The following PRTFDC1 variants were observed in gnomAD, a reference collection of about 807,000 sequenced individuals.
PRTFDC1 encodes phosphoribosyl transferase domain containing 1.
In PRTFDC1, 38 loss-of-function variants were observed where a neutral mutation model predicts 34.6. The ratio of observed to expected loss-of-function variants is 1.10; its 90% CI spans 0.85 to 1.44. The LOEUF is 1.44. PRTFDC1 is among the 40% of genes most tolerant of loss of function. PRTFDC1 has a pLI of 0.00. For synonymous variants in PRTFDC1, 93 were observed against 98.1 expected, an observed-to-expected ratio of 0.95 and a Z score of 0.31; for missense variants, 270 against 283.0, an observed-to-expected ratio of 0.95 and a Z score of 0.33.
chr10:24,951,423 G>T (rs1346134166), intron 1 of PRTFDC1: 3 of 453,636 alleles, frequency 6.6e-6, no homozygotes, highest in African/African-American at 4.3e-5. Context: ...TAAACGTGTG[G>T]AATGAATAAA....
chr10:24,859,420 T>C (rs999062413), intron 4 of PRTFDC1, among the ~76,000 whole-genome samples: 7 of 152,170 alleles, frequency 4.6e-5, no homozygotes, highest in Admixed American at 6.6e-5. Context: ...CCACCACGCC[T>C]GGCTAATTTT....
chr10:24,886,766 C>T (rs1267825372), intron 3 of PRTFDC1, among the ~76,000 whole-genome samples: 2 of 152,068 alleles, frequency 1.3e-5, no homozygotes, highest in Non-Finnish European at 2.9e-5. Context: ...TGCGTGCCAC[C>T]ATGCCCAGCT....
chr10:24,903,946 C>A (rs913933843), intron 3 of PRTFDC1, among the ~76,000 whole-genome samples: 17 of 151,890 alleles, frequency 1.1e-4, no homozygotes, highest in African/African-American at 4.1e-4. Context: ...GCCTCAGCCT[C>A]GCAAAGGGCT....
intron 1 of PRTFDC1, among the ~76,000 whole-genome samples, chr10:24,945,516 A>C (rs1361946274): frequency 6.6e-6 from 1 of 152,200 alleles, no homozygotes; most frequent in South Asian, 2.1e-4. Flanking sequence ...GTGGAGTACC[A>C]CAATCATAGC....
chr10:24,874,011 G>C (rs1327763832), intron 3 of PRTFDC1, among the ~76,000 whole-genome samples: 3 of 150,770 alleles, frequency 2.0e-5, no homozygotes, highest in Admixed American at 6.6e-5. Context: ...GGGCTCAAGC[G>C]ATCCTCCTGC....
rs11014288 is a variant in PRTFDC1 at position 24,898,783 on chromosome 10, G to A, written c.340-26720C>T. Among the ~76,000 whole-genome samples, 162 of 152,294 alleles carry A rather than the reference G, an allele frequency of 1.1e-3. 5 individuals are homozygous for A. In the East Asian group the frequency reaches 0.022, roughly 21 times the overall value. On this transcript the variant is annotated intron_variant, in intron 3 of 8. Transcript: ENST00000320152. ...ACGTGTACCACAAGGATCAGCCTAG[G>A]TGTATGAGAAATTGCTAAGAACTGA...
intron 3 of PRTFDC1, among the ~76,000 whole-genome samples, chr10:24,928,896 C>G (rs1254715862): frequency 2.0e-5 from 3 of 151,344 alleles, no homozygotes; most frequent in African/African-American, 7.3e-5. Context: ...AAAAATTAGC[C>G]GGGCGTGGTG....
intron 1 of PRTFDC1, among the ~76,000 whole-genome samples, chr10:24,946,693 T>C (rs1388358111): frequency 6.6e-6 from 1 of 152,252 alleles, no homozygotes; most frequent in Non-Finnish European, 1.5e-5. Flanking sequence ...GTAAGACTCA[T>C]ATCAGTTTCT....
intron 7 of PRTFDC1, among the ~76,000 whole-genome samples, chr10:24,852,428 C>T (rs1357060358): frequency 6.6e-6 from 1 of 152,188 alleles, no homozygotes; most frequent in African/African-American, 2.4e-5. Flanking sequence ...GCTGGGATTA[C>T]AGGCATGGGC....
At chr10:24,896,422 G>A (rs1848365637) in intron 3 of PRTFDC1, among the ~76,000 whole-genome samples, 1 of 152,128 alleles carries the variant, frequency 6.6e-6, no homozygotes, top group South Asian at 2.1e-4. Flanking sequence ...CTGGTCCCCG[G>A]TGACAAAAAG....
At chr10:24,850,709 C>T (rs1847470975) in intron 8 of PRTFDC1, among the ~76,000 whole-genome samples, 1 of 152,044 alleles carries the variant, frequency 6.6e-6, no homozygotes, top group South Asian at 2.1e-4. Flanking sequence ...ATGAGCTGGG[C>T]AATGAAGCAA....
chr10:24,872,721 A>G (rs1163817006), intron 3 of PRTFDC1, among the ~76,000 whole-genome samples: 2 of 47,042 alleles, frequency 4.3e-5, no homozygotes, highest in Non-Finnish European at 9.3e-5. Context: ...TATATAATAC[A>G]CAAAATATAT....
intron 3 of PRTFDC1, among the ~76,000 whole-genome samples, chr10:24,929,624 A>C (rs919294247): frequency 9.9e-5 from 15 of 152,250 alleles, no homozygotes; most frequent in Non-Finnish European, 1.6e-4. Flanking sequence ...TAGCTAACCA[A>C]ATTGGTGGGA....
At chr10:24,883,705 T>C (rs148841698) in intron 3 of PRTFDC1, among the ~76,000 whole-genome samples, 2 of 152,224 alleles carry the variant, frequency 1.3e-5, no homozygotes, top group Non-Finnish European at 2.9e-5. Flanking sequence ...GACAAACACA[T>C]GGAGCCTCTT....
At chr10:24,883,081 T>C (rs1848107207) in intron 3 of PRTFDC1, among the ~76,000 whole-genome samples, 1 of 148,282 alleles carries the variant, frequency 6.7e-6, no homozygotes, top group South Asian at 2.1e-4. Context: ...TATTTATATA[T>C]AAACACATAG....
At chr10:24,939,718 C>T (rs1205455793) in intron 2 of PRTFDC1, among the ~76,000 whole-genome samples, 5 of 147,924 alleles carry the variant, frequency 3.4e-5, no homozygotes, top group South Asian at 2.2e-4. Flanking sequence ...CACTTGAACC[C>T]GGGAGTTGGA....
intron 3 of PRTFDC1, among the ~76,000 whole-genome samples, chr10:24,911,276 C>A (rs542614193): frequency 2.4e-4 from 37 of 152,256 alleles, no homozygotes; most frequent in African/African-American, 8.7e-4. Flanking sequence ...CACAGTTCTG[C>A]TTTCTGTTAT....
chr10:24,890,638 G>A (rs1848244436), intron 3 of PRTFDC1, among the ~76,000 whole-genome samples: 1 of 152,202 alleles, frequency 6.6e-6, no homozygotes, highest in African/African-American at 2.4e-5. Context: ...AGAGGGAACA[G>A]GAGGGAGGGC....
At chr10:24,881,799 A>G (rs1043782245) in intron 3 of PRTFDC1, among the ~76,000 whole-genome samples, 1 of 152,138 alleles carries the variant, frequency 6.6e-6, no homozygotes. Context: ...TTTTGCACTG[A>G]GGGCCCTGGA....
Sources: gnomAD v4.1 joint callset for allele counts (sites outside exome capture counted in the v4.1 genomes callset) on GRCh38, gnomAD v4.1.1 for gene constraint, MANE v1.5 for transcripts, NCBI Gene and HGNC (gene_info 2026-07-23, HGNC 2026-07-21) for gene names.